SLC1A3: variants seen among roughly 807,000 people sequenced by gnomAD.
SLC1A3 encodes solute carrier family 1 member 3, also known as excitatory amino acid transporter 1.
In SLC1A3, 21 loss-of-function variants were observed where a neutral mutation model predicts 48.1. That is an observed-to-expected ratio of 0.44 (90% confidence interval 0.31 to 0.63). The LOEUF (loss-of-function observed/expected upper bound fraction) is 0.63. Among genes scored for constraint, SLC1A3 ranks in the 20% least tolerant of loss-of-function variants. The pLI is 0.08. For synonymous variants in SLC1A3, 239 were observed against 251.4 expected (o/e 0.95, Z 0.47); for missense variants, 546 against 689.0 (o/e 0.79, Z 2.32).
At position 36,619,202 on chromosome 5, in the gene SLC1A3, G is replaced by T. The variant is rs542029802; in HGVS notation, c.182-10248G>T. ...CCCAAGGATGTGGAAACAGAGGAGT[G>T]GGGGAGGGTTAAGAGGTTGCCTCCA... On this transcript the variant is annotated intron_variant, in intron 2 of 9. Transcript: ENST00000265113. Among the ~76,000 whole-genome samples the T allele has an allele frequency of 2.6e-4, 39 of 152,316 alleles. No homozygotes were observed. In the South Asian group the frequency reaches 7.7e-3, roughly 30 times the overall value.
intron 3 of SLC1A3, among the ~76,000 whole-genome samples, chr5:36,650,483 A>G (rs1741015785): frequency 6.6e-6 from 1 of 152,212 alleles, no homozygotes; most frequent in Non-Finnish European, 1.5e-5. Flanking sequence ...GAATCTGTTA[A>G]GTTTGAAGGC....
chr5:36,628,584 C>T (rs955787225), intron 2 of SLC1A3, among the ~76,000 whole-genome samples: 4 of 152,084 alleles, frequency 2.6e-5, no homozygotes, highest in Non-Finnish European at 5.9e-5. Context: ...TTTTCTTTGG[C>T]AAGGAAAGTA....
intron 1 of SLC1A3, among the ~76,000 whole-genome samples, chr5:36,596,968 G>A (rs910442809): frequency 6.6e-6 from 1 of 152,106 alleles, no homozygotes; most frequent in Admixed American, 6.5e-5. Flanking sequence ...GCCGCCTGGG[G>A]GTTGCTCCCG....
chr5:36,603,597 G>GT (rs1268123099), upstream of SLC1A3, among the ~76,000 whole-genome samples: 2 of 151,946 alleles, frequency 1.3e-5, no homozygotes, highest in East Asian at 1.9e-4. Flanking sequence ...TTCACCACAG[G>GT]TTTTTTTGTT....
chr5:36,678,506 A>G (rs1222447424), intron 6 of SLC1A3, among the ~76,000 whole-genome samples: 2 of 152,210 alleles, frequency 1.3e-5, no homozygotes, highest in Non-Finnish European at 2.9e-5. Flanking sequence ...TATTTCTGAA[A>G]ACAGGTATTC....
At chr5:36,684,114 G>A (rs977739854) in intron 9 of SLC1A3, 116 bp downstream of exon 9, 106 of 1,315,322 alleles carry the variant, frequency 8.1e-5, no homozygotes, top group Admixed American at 4.7e-4. Flanking sequence ...GGGGCCTCTC[G>A]GCCCATAGTT....
At position 36,597,233 on chromosome 5, in the gene SLC1A3, C is replaced by CTTTTTTTTTTTTTTTTTTT. The variant is rs70976237; in HGVS notation, c.-96+568_-96+586dup. ...CACACCGAAAACTTCTTCTTCCTTTCTTTTTTTTTTTTTTTTTTTTTTTTT... is the reference window on the plus strand; with the variant it reads ...CACACCGAAAACTTCTTCTTCCTTTCTTTTTTTTTTTTTTTTTTTTTTTTTTTTTTTTTTTTTTTTTTTT... On this transcript the variant is annotated intron_variant, in intron 1 of 9. Coordinates refer to the SLC1A3 transcript ENST00000680318. Among the ~76,000 whole-genome samples, 2 of 46,084 alleles carry CTTTTTTTTTTTTTTTTTTT rather than the reference C, an allele frequency of 4.3e-5. 1 individual carries two copies. The highest frequency in any genetic ancestry group is 7.2e-5 in the Non-Finnish European group (2 of 27,830). 30.2% of individuals were successfully genotyped at this position (46,084 alleles called of 152,430 possible). A position where few individuals can be genotyped will look rare whatever the true frequency, so the allele number is the denominator to read the frequency against.
At chr5:36,646,316 T>A (rs56019002) in intron 3 of SLC1A3, among the ~76,000 whole-genome samples, 18,657 of 152,278 alleles carry the variant, frequency 0.12, 1,204 homozygotes, top group Non-Finnish European at 0.15. Flanking sequence ...TATTTTTCAC[T>A]AACACTTGGT....
chr5:36,635,455 AT>A (rs536733287), intron 3 of SLC1A3, among the ~76,000 whole-genome samples: 7 of 152,230 alleles, frequency 4.6e-5, no homozygotes, highest in Non-Finnish European at 8.8e-5. Context: ...CACAAGTCTC[AT>A]TTGTCTGTGA....
At chr5:36,676,839 A>G in intron 5 of SLC1A3, 53 bp from the exon 6 acceptor site, 3 of 1,397,834 alleles carry the variant, frequency 2.1e-6, no homozygotes, top group Non-Finnish European at 2.9e-6. Flanking sequence ...AGGAAAATAT[A>G]AAGAAAAAAA....
chr5:36,656,332 C>T (rs1277622664), intron 3 of SLC1A3, among the ~76,000 whole-genome samples: 5 of 152,180 alleles, frequency 3.3e-5, no homozygotes, highest in African/African-American at 7.2e-5. Flanking sequence ...CTCAAATCTA[C>T]GTGTCACTAA....
At chr5:36,618,094 T>C (rs1157094749) in intron 2 of SLC1A3, among the ~76,000 whole-genome samples, 1 of 152,204 alleles carries the variant, frequency 6.6e-6, no homozygotes, top group African/African-American at 2.4e-5. Flanking sequence ...CTGAGGAAAC[T>C]AAGGAAATCA....
chr5:36,648,517 C>T (rs755737269), intron 3 of SLC1A3, among the ~76,000 whole-genome samples: 1 of 152,148 alleles, frequency 6.6e-6, no homozygotes, highest in South Asian at 2.1e-4. Flanking sequence ...GCTTTTATAA[C>T]CTTTGGTTGC....
intron 3 of SLC1A3, among the ~76,000 whole-genome samples, chr5:36,633,779 G>C (rs1159614740): frequency 6.6e-6 from 1 of 152,096 alleles, no homozygotes; most frequent in African/African-American, 2.4e-5. Context: ...TTCCATCATA[G>C]GTACCATCTC....
At chr5:36,678,747 G>A (rs1334893384) in intron 6 of SLC1A3, among the ~76,000 whole-genome samples, 1 of 152,170 alleles carries the variant, frequency 6.6e-6, no homozygotes, top group Non-Finnish European at 1.5e-5. Flanking sequence ...TCAACATGTA[G>A]AAATCATTTT....
chr5:36,646,242 A>G (rs967784175), intron 3 of SLC1A3, among the ~76,000 whole-genome samples: 1 of 152,220 alleles, frequency 6.6e-6, no homozygotes, highest in Non-Finnish European at 1.5e-5. Flanking sequence ...GACGAAGGAC[A>G]ATCTGGAATT....
chr5:36,655,427 T>C (rs1472803813), intron 3 of SLC1A3, among the ~76,000 whole-genome samples: 1 of 152,234 alleles, frequency 6.6e-6, no homozygotes, highest in Non-Finnish European at 1.5e-5. Context: ...TCACCCCGTT[T>C]CTGCTGACTG....
chr5:36,649,033 T>TG (rs748902063), intron 3 of SLC1A3, among the ~76,000 whole-genome samples: 7 of 152,178 alleles, frequency 4.6e-5, no homozygotes, highest in African/African-American at 1.7e-4. Context: ...TGTATCTGAT[T>TG]GACTCATTGG....
At chr5:36,613,490 A>C (rs12516475) in intron 2 of SLC1A3, 38,175 of 152,210 alleles carry the variant, frequency 0.25, 5,637 homozygotes, top group South Asian at 0.43. Flanking sequence ...CTGACCTGGT[A>C]GTGGGACCAC....
Sources: gnomAD v4.1 joint callset for allele counts (sites outside exome capture counted in the v4.1 genomes callset) on GRCh38, gnomAD v4.1.1 for gene constraint, MANE v1.5 for transcripts, NCBI Gene and HGNC (gene_info 2026-07-23, HGNC 2026-07-21) for gene names.